The following LYPD6 variants were observed in gnomAD, a reference collection of about 807,000 sequenced individuals.
LYPD6 encodes LY6/PLAUR domain containing 6, also known as ly6/PLAUR domain-containing protein 6.
LYPD6 carries 15 observed loss-of-function variants against 22.7 expected under a neutral mutation model. The observed-to-expected ratio is 0.66, with a 90% confidence interval of 0.44 to 1.02. The LOEUF is 1.02. Among genes scored for constraint, LYPD6 ranks in the 50% least tolerant of loss-of-function variants. The pLI is 0.00. For missense variants in LYPD6, 189 were observed against 208.4 expected, an observed-to-expected ratio of 0.91 and a Z score of 0.57; for synonymous variants, 72 against 77.5, an observed-to-expected ratio of 0.93 and a Z score of 0.37.
chr2:149,332,558 G>A (rs904669303), intron 1 of LYPD6, among the ~76,000 whole-genome samples: 4 of 152,198 alleles, frequency 2.6e-5, no homozygotes, highest in Admixed American at 2.0e-4. Flanking sequence ...CCATTTCACA[G>A]ATGAAACAAC....
chr2:149,388,506 C>G (rs954641337), intron 1 of LYPD6, among the ~76,000 whole-genome samples: 1 of 152,038 alleles, frequency 6.6e-6, no homozygotes, highest in Non-Finnish European at 1.5e-5. Context: ...AAGCACTGGG[C>G]TCTGTTGTTG....
chr2:149,444,092 C>A (rs372734606), intron 2 of LYPD6, among the ~76,000 whole-genome samples: 3 of 152,082 alleles, frequency 2.0e-5, no homozygotes, highest in East Asian at 3.9e-4. Context: ...CGCCACCACG[C>A]CTGGCTAATT....
At chr2:149,379,960 C>T (rs189190494) in intron 1 of LYPD6, among the ~76,000 whole-genome samples, 15 of 150,968 alleles carry the variant, frequency 9.9e-5, no homozygotes, top group East Asian at 3.9e-4. Context: ...AGAACTCCCT[C>T]GAAACAGAGC....
At chr2:149,362,777 C>T (rs1403665172) in intron 1 of LYPD6, among the ~76,000 whole-genome samples, 1 of 152,090 alleles carries the variant, frequency 6.6e-6, no homozygotes, top group Non-Finnish European at 1.5e-5. Context: ...ATAACCCACT[C>T]CCAAGATAAT....
chr2:149,349,230 A>G (rs953378615), intron 1 of LYPD6, among the ~76,000 whole-genome samples: 2 of 152,148 alleles, frequency 1.3e-5, no homozygotes, highest in African/African-American at 4.8e-5. Context: ...AAAAGCCATA[A>G]AAGGGGAGCA....
chr2:149,336,400 C>T (rs977039923), intron 1 of LYPD6, among the ~76,000 whole-genome samples: 1 of 152,094 alleles, frequency 6.6e-6, no homozygotes, highest in Non-Finnish European at 1.5e-5. Context: ...AAAGCAATCC[C>T]AAGAACATTT....
chr2:149,388,324 A>G (rs1316570427), intron 1 of LYPD6, among the ~76,000 whole-genome samples: 1 of 152,166 alleles, frequency 6.6e-6, no homozygotes, highest in Non-Finnish European at 1.5e-5. Flanking sequence ...TGAATCATTC[A>G]CATGAATTCA....
chr2:149,426,832 A>G (rs1255839867), intron 1 of LYPD6, among the ~76,000 whole-genome samples: 1 of 152,200 alleles, frequency 6.6e-6, no homozygotes, highest in African/African-American at 2.4e-5. Flanking sequence ...AGTGCCAAAG[A>G]CATTGGGTGG....
At chr2:149,358,468 C>G (rs1219720731) in intron 1 of LYPD6, among the ~76,000 whole-genome samples, 1 of 152,140 alleles carries the variant, frequency 6.6e-6, no homozygotes, top group Non-Finnish European at 1.5e-5. Context: ...CTTATGCTAA[C>G]TGGGTGTGCC....
the LYPD6 span, among the ~76,000 whole-genome samples, chr2:149,481,107 C>A: frequency 4.6e-3 from 706 of 152,264 alleles, 4 homozygotes; most frequent in Non-Finnish European, 7.0e-3. Context: ...TGACCTATAG[C>A]AATACATATT....
the LYPD6 span, among the ~76,000 whole-genome samples, chr2:149,482,786 A>G: frequency 6.6e-6 from 1 of 152,128 alleles, no homozygotes; most frequent in African/African-American, 2.4e-5. Flanking sequence ...AGGACACAAA[A>G]TGCTTCAGGA....
intron 2 of LYPD6, among the ~76,000 whole-genome samples, chr2:149,441,223 G>A (rs1683561946): frequency 6.6e-6 from 1 of 152,124 alleles, no homozygotes; most frequent in East Asian, 1.9e-4. Context: ...GTTTGATTTT[G>A]AATTATTTGT....
intron 1 of LYPD6, among the ~76,000 whole-genome samples, chr2:149,426,746 A>G (rs1683195815): frequency 6.6e-6 from 1 of 152,184 alleles, no homozygotes; most frequent in African/African-American, 2.4e-5. Context: ...TGGTTTGTTT[A>G]CATTTGGCTT....
chr2:149,381,714 G>T (rs17348291), intron 1 of LYPD6, among the ~76,000 whole-genome samples: 27,779 of 152,116 alleles, frequency 0.18, 2,539 homozygotes, highest in African/African-American at 0.2. Context: ...ACCTACATTT[G>T]TCAATGCTTT....
chr2:149,402,722 T>A (rs1243419209), intron 1 of LYPD6, among the ~76,000 whole-genome samples: 1 of 152,016 alleles, frequency 6.6e-6, no homozygotes, highest in Non-Finnish European at 1.5e-5. Context: ...CACTTTTTTT[T>A]TATTTTTTTA....
chr2:149,396,499 C>T (rs1033939477), intron 1 of LYPD6, among the ~76,000 whole-genome samples: 3 of 152,092 alleles, frequency 2.0e-5, no homozygotes, highest in Non-Finnish European at 4.4e-5. Context: ...TGTTCTCAGT[C>T]ATGGTATCAT....
intron 1 of LYPD6, among the ~76,000 whole-genome samples, chr2:149,427,320 A>G (rs1413505997): frequency 1.3e-5 from 2 of 152,198 alleles, no homozygotes; most frequent in Non-Finnish European, 2.9e-5. Context: ...AAATAAAATG[A>G]AAAATGGCAT....
At chr2:149,463,370 A>G (rs1681128420) in intron 3 of LYPD6, among the ~76,000 whole-genome samples, 1 of 152,180 alleles carries the variant, frequency 6.6e-6, no homozygotes, top group African/African-American at 2.4e-5. Context: ...AATAAAGAAT[A>G]AGAAAAATGC....
chr2:149,387,366 A>G (rs1682211586), intron 1 of LYPD6, among the ~76,000 whole-genome samples: 1 of 152,202 alleles, frequency 6.6e-6, no homozygotes, highest in African/African-American at 2.4e-5. Context: ...GTCCTTGGCT[A>G]AGTTCCAGGT....
Sources: gnomAD v4.1 joint callset for allele counts (sites outside exome capture counted in the v4.1 genomes callset) on GRCh38, gnomAD v4.1.1 for gene constraint, MANE v1.5 for transcripts, NCBI Gene and HGNC (gene_info 2026-07-23, HGNC 2026-07-21) for gene names.